The following SGCZ variants were observed in gnomAD, a reference collection of about 807,000 sequenced individuals.
SGCZ encodes the protein zeta-sarcoglycan.
Under a neutral mutation model 41.3 loss-of-function variants are expected in SGCZ, and 40 were observed. The ratio of observed to expected loss-of-function variants is 0.97; its 90% confidence interval spans 0.75 to 1.26. SGCZ has a LOEUF of 1.26. SGCZ is among the 50% of genes most tolerant of loss of function. The pLI is 0.00. For synonymous variants in SGCZ, 206 were observed against 137.5 expected (o/e 1.50, Z -3.49); for missense variants, 552 against 369.8 (o/e 1.49, Z -4.04).
chr8:14,868,524 A>T (rs1162656521), intron 1 of SGCZ, among the ~76,000 whole-genome samples: 2 of 152,156 alleles, frequency 1.3e-5, no homozygotes, highest in Non-Finnish European at 2.9e-5. Context: ...GGATAGATGA[A>T]ACAATGAAAA....
chr8:14,741,308 C>T (rs1799191404), intron 1 of SGCZ, among the ~76,000 whole-genome samples: 1 of 151,916 alleles, frequency 6.6e-6, no homozygotes, highest in Admixed American at 6.6e-5. Context: ...TCTTTTAGAC[C>T]ATCAACCAAG....
intron 1 of SGCZ, among the ~76,000 whole-genome samples, chr8:14,667,416 A>G (rs1428999058): frequency 1.3e-5 from 2 of 152,210 alleles, no homozygotes; most frequent in Non-Finnish European, 2.9e-5. Context: ...AATGTGGGAT[A>G]TCACAGCAAT....
intron 3 of SGCZ, among the ~76,000 whole-genome samples, chr8:14,285,935 G>T (rs1470000188): frequency 6.6e-6 from 1 of 152,106 alleles, no homozygotes; most frequent in Non-Finnish European, 1.5e-5. Context: ...AACATTCGCT[G>T]TAGGAAACAC....
Position 15,005,328 on chromosome 8 carries a change from C to CTTT in SGCZ, c.39+232254_39+232256dup, listed in dbSNP as rs10603664. Among the ~76,000 whole-genome samples, 26 of 78,726 alleles carry CTTT rather than the reference C, an allele frequency of 3.3e-4. 1 individual carries two copies. Among genetic ancestry groups the CTTT allele is most frequent in the East Asian group, 1.7e-3 (5 of 2,920 alleles). The allele number at this position is 78,726 out of a possible 152,430, so 51.6% of individuals were successfully genotyped here. On this transcript the variant is annotated intron_variant, in intron 1 of 7. Transcript: ENST00000382080. ...CCCCCTCCCCCGTTTTTTTCTTTTTCTTTTTTTTTTTTTTTTTTTTGACAT... is the reference window on the plus strand; with the variant it reads ...CCCCCTCCCCCGTTTTTTTCTTTTTCTTTTTTTTTTTTTTTTTTTTTTTGACAT...
intron 4 of SGCZ, among the ~76,000 whole-genome samples, chr8:14,225,206 T>C (rs971485709): frequency 6.6e-5 from 10 of 152,144 alleles, no homozygotes; most frequent in Non-Finnish European, 1.2e-4. Flanking sequence ...TCTATTTTTA[T>C]TGTGGTTTAA....
chr8:14,614,060 A>C (rs1563154009), intron 1 of SGCZ, among the ~76,000 whole-genome samples: 1 of 152,148 alleles, frequency 6.6e-6, no homozygotes, highest in Non-Finnish European at 1.5e-5. Flanking sequence ...ACTCATTTGA[A>C]AGCATACTGT....
chr8:15,117,804 C>T (rs1366463689), intron 1 of SGCZ, among the ~76,000 whole-genome samples: 3 of 152,176 alleles, frequency 2.0e-5, no homozygotes, highest in African/African-American at 7.2e-5. Flanking sequence ...TAATTGTTAA[C>T]TTGTAACTGG....
At chr8:14,144,628 A>G (rs1017463015) in intron 5 of SGCZ, among the ~76,000 whole-genome samples, 1 of 152,200 alleles carries the variant, frequency 6.6e-6, no homozygotes, top group African/African-American at 2.4e-5. Flanking sequence ...CAAGTCTTGT[A>G]TCTTAAGTAT....
At chr8:14,497,503 G>A (rs372213389) in intron 2 of SGCZ, among the ~76,000 whole-genome samples, 4 of 152,066 alleles carry the variant, frequency 2.6e-5, no homozygotes, top group African/African-American at 7.2e-5. Context: ...CAACAAGAAG[G>A]TGGCCCAACA....
chr8:14,821,384 C>T lies in SGCZ; in HGVS notation c.40-266458G>A, dbSNP rs1292783764. Among the ~76,000 whole-genome samples the T allele has an allele frequency of 3.9e-5, 6 of 152,006 alleles. No individual in the cohort carries two copies. In the East Asian group the frequency reaches 1.2e-3, roughly 29 times the overall value. On this transcript the variant is annotated intron_variant, in intron 1 of 7. Coordinates refer to ENST00000382080, the MANE Select transcript of SGCZ (RefSeq NM_139167.4). ...CTGTTGGTTTTACTGCTAAATTAAA[C>T]CAAACATTAAAAGAACTAATACCAA...
intron 1 of SGCZ, among the ~76,000 whole-genome samples, chr8:14,763,990 T>A (rs1329889961): frequency 6.6e-6 from 1 of 152,116 alleles, no homozygotes; most frequent in East Asian, 1.9e-4. Context: ...CAGATGGGAG[T>A]TTCTAAATGC....
In SGCZ at chr8:15,101,358, A is replaced by G. The variant is rs540990612; in HGVS notation, c.39+136227T>C. Among the ~76,000 whole-genome samples, 4 of 152,346 alleles carry G rather than the reference A, an allele frequency of 2.6e-5. No homozygotes were observed. The East Asian group carries it at 7.7e-4, about 29-fold the overall frequency. On this transcript the variant is annotated intron_variant, in intron 1 of 7. Transcript: ENST00000382080. Reference sequence around the variant, plus strand: ...CTCATGTCTGATAAAAGACTTCAATATATACAACTCAATTCAAAATATTAA... The same window carrying G: ...CTCATGTCTGATAAAAGACTTCAATGTATACAACTCAATTCAAAATATTAA...
intron 1 of SGCZ, among the ~76,000 whole-genome samples, chr8:15,134,506 A>T (rs935027111): frequency 2.0e-5 from 3 of 151,878 alleles, no homozygotes; most frequent in South Asian, 2.1e-4. Flanking sequence ...AAAATAGCGC[A>T]TTTTTTTTCC....
intron 1 of SGCZ, among the ~76,000 whole-genome samples, chr8:14,794,446 C>T (rs1484068412): frequency 1.3e-5 from 2 of 151,846 alleles, no homozygotes; most frequent in South Asian, 4.2e-4. Context: ...CAATAGAATT[C>T]GACAGAATGA....
chr8:15,166,516 G>C (rs138265789), intron 1 of SGCZ, among the ~76,000 whole-genome samples: 3 of 152,090 alleles, frequency 2.0e-5, no homozygotes, highest in Non-Finnish European at 4.4e-5. Flanking sequence ...CCAAAGTGCT[G>C]GGATTACAGG....
intron 2 of SGCZ, among the ~76,000 whole-genome samples, chr8:14,331,225 G>T (rs893894549): frequency 6.6e-6 from 1 of 151,884 alleles, no homozygotes; most frequent in Non-Finnish European, 1.5e-5. Flanking sequence ...ATATTAAATT[G>T]TTTCAATGAA....
At chr8:14,677,421 C>G (rs1157432787) in intron 1 of SGCZ, among the ~76,000 whole-genome samples, 1 of 152,064 alleles carries the variant, frequency 6.6e-6, no homozygotes, top group Non-Finnish European at 1.5e-5. Context: ...AAAATCTCAG[C>G]TTATTTTATG....
At chr8:14,469,676 C>G (rs915314056) in intron 2 of SGCZ, among the ~76,000 whole-genome samples, 3 of 152,084 alleles carry the variant, frequency 2.0e-5, no homozygotes, top group African/African-American at 7.2e-5. Flanking sequence ...AGGGTTAGAA[C>G]TTTCAACCTC....
chr8:14,861,886 A>G (rs527388080), intron 1 of SGCZ, among the ~76,000 whole-genome samples: 1 of 152,112 alleles, frequency 6.6e-6, no homozygotes. Flanking sequence ...TTCTTCTCCA[A>G]ATAGGATGGA....
Sources: gnomAD v4.1 joint callset for allele counts (sites outside exome capture counted in the v4.1 genomes callset) on GRCh38, gnomAD v4.1.1 for gene constraint, MANE v1.5 for transcripts, NCBI Gene and HGNC (gene_info 2026-07-23, HGNC 2026-07-21) for gene names.